The following MTHFD1L variants were observed in gnomAD, a reference collection of about 807,000 sequenced individuals.
MTHFD1L encodes the protein methylenetetrahydrofolate dehydrogenase (NADP+ dependent) 1 like.
MTHFD1L carries 81 observed loss-of-function variants against 119.5 expected under a neutral mutation model. That is an observed-to-expected ratio of 0.68 (90% CI 0.57 to 0.82). MTHFD1L has a LOEUF of 0.82. Ranked by LOEUF, MTHFD1L falls within the 40% of genes least tolerant of loss-of-function variation. MTHFD1L has a pLI of 0.00. For missense variants in MTHFD1L, 1,125 were observed against 1,253.4 expected (o/e 0.90, Z 1.55); for synonymous variants, 430 against 475.2 (o/e 0.90, Z 1.24).
chr6:150,918,912 A>G (rs1437316625), intron 9 of MTHFD1L, among the ~76,000 whole-genome samples: 1 of 152,164 alleles, frequency 6.6e-6, no homozygotes, highest in Non-Finnish European at 1.5e-5. Flanking sequence ...GCTGTGTAAT[A>G]AATTATCCCA....
chr6:151,022,166 T>C (rs1784033230), intron 24 of MTHFD1L: 1 of 398,092 alleles, frequency 2.5e-6, no homozygotes. Flanking sequence ...TGTTTCCTCC[T>C]CTGCTGGTCT....
chr6:150,870,423 G>C (rs1779194007), intron 1 of MTHFD1L, among the ~76,000 whole-genome samples: 1 of 152,170 alleles, frequency 6.6e-6, no homozygotes, highest in Non-Finnish European at 1.5e-5. Context: ...TTGGGTGGTA[G>C]TAGCGTTGAA....
At chr6:150,938,579 A>T in intron 12 of MTHFD1L, 120 bp from the exon 13 acceptor site, 1 of 981,340 alleles carries the variant, frequency 1.0e-6, no homozygotes, top group Non-Finnish European at 1.6e-6. Flanking sequence ...GCCTTTTGTT[A>T]CTTCATCTTG....
At chr6:151,020,048 G>A (rs1783729136) in intron 24 of MTHFD1L, among the ~76,000 whole-genome samples, 1 of 152,198 alleles carries the variant, frequency 6.6e-6, no homozygotes, top group East Asian at 1.9e-4. Context: ...CTTTGCATAT[G>A]ACACTCTCCC....
chr6:150,976,157 C>T (rs1190924989), intron 20 of MTHFD1L, among the ~76,000 whole-genome samples: 1 of 152,150 alleles, frequency 6.6e-6, no homozygotes, highest in African/African-American at 2.4e-5. Flanking sequence ...GCTGAGATCA[C>T]ACCATTGCAC....
At chr6:151,013,422 A>G (rs73620607) in intron 21 of MTHFD1L, among the ~76,000 whole-genome samples, 5,033 of 152,280 alleles carry the variant, frequency 0.033, 290 homozygotes, top group African/African-American at 0.12. Flanking sequence ...GTATAAATCA[A>G]GTATTAAACA....
At chr6:150,944,341 A>G (rs1793606806) in intron 13 of MTHFD1L, 145 bp from the exon 14 acceptor site, 1 of 636,870 alleles carries the variant, frequency 1.6e-6, no homozygotes, top group African/African-American at 1.8e-5. Flanking sequence ...CAGCCTACTC[A>G]GTAGGCTTAG....
intron 26 of MTHFD1L, among the ~76,000 whole-genome samples, chr6:151,045,815 G>A (rs1460300103): frequency 1.3e-5 from 2 of 152,074 alleles, no homozygotes; most frequent in African/African-American, 2.4e-5. Context: ...TCCTCTCATC[G>A]TGAGGTCCCT....
intron 16 of MTHFD1L, among the ~76,000 whole-genome samples, chr6:150,954,406 G>C (rs760214547): frequency 3.9e-5 from 6 of 152,108 alleles, no homozygotes; most frequent in Non-Finnish European, 7.4e-5. Flanking sequence ...ACAGGGTCTT[G>C]GCTGGGTGCA....
At chr6:150,915,952 C>T (rs1190875036) in intron 8 of MTHFD1L, among the ~76,000 whole-genome samples, 1 of 152,044 alleles carries the variant, frequency 6.6e-6, no homozygotes, top group East Asian at 1.9e-4. Flanking sequence ...TGAGAGAGGC[C>T]CGTTTGTGGA....
chr6:150,897,702 A>G (rs1034211053), intron 7 of MTHFD1L, among the ~76,000 whole-genome samples: 3 of 152,224 alleles, frequency 2.0e-5, no homozygotes, highest in African/African-American at 4.8e-5. Context: ...GTGTCCCACA[A>G]AGAACAGGCA....
At chr6:150,877,719 C>G in intron 3 of MTHFD1L, 35 bp downstream of exon 3, 1 of 1,614,130 alleles carries the variant, frequency 6.2e-7, no homozygotes, top group Non-Finnish European at 8.5e-7. Flanking sequence ...TTCACTATAA[C>G]TTTTAACAAT....
At chr6:150,955,462 C>T (rs1019959665) in intron 16 of MTHFD1L, among the ~76,000 whole-genome samples, 6 of 146,014 alleles carry the variant, frequency 4.1e-5, no homozygotes, top group Non-Finnish European at 9.0e-5. Context: ...TTGGTTCTTT[C>T]GGGTAATGCC....
chr6:150,952,959 A>T (rs552384216), intron 16 of MTHFD1L, among the ~76,000 whole-genome samples: 10 of 152,294 alleles, frequency 6.6e-5, no homozygotes, highest in African/African-American at 2.4e-4. Context: ...ACATACAGCC[A>T]TTTTGTTACA....
At chr6:151,020,535 A>G (rs1783806414) in intron 24 of MTHFD1L, among the ~76,000 whole-genome samples, 3 of 152,246 alleles carry the variant, frequency 2.0e-5, no homozygotes, top group African/African-American at 7.2e-5. Context: ...AGAGTAGGCA[A>G]CTTTTAATTA....
At chr6:151,096,294 C>T (rs1794891303) in intron 27 of MTHFD1L, among the ~76,000 whole-genome samples, 2 of 152,224 alleles carry the variant, frequency 1.3e-5, no homozygotes, top group South Asian at 4.1e-4. Context: ...CATTTCTACC[C>T]CTTACCCACC....
intron 1 of MTHFD1L, among the ~76,000 whole-genome samples, chr6:150,873,182 G>T (rs1444440856): frequency 6.6e-6 from 1 of 152,014 alleles, no homozygotes; most frequent in Non-Finnish European, 1.5e-5. Flanking sequence ...GGACGTGGTG[G>T]CATGCACCAG....
intron 9 of MTHFD1L, among the ~76,000 whole-genome samples, chr6:150,919,123 A>G (rs1201620491): frequency 6.6e-6 from 1 of 151,234 alleles, no homozygotes. Context: ...AGATTGCACC[A>G]CTGAACTCCA....
intron 20 of MTHFD1L, among the ~76,000 whole-genome samples, chr6:151,003,787 A>T (rs1780970041): frequency 6.6e-6 from 1 of 152,114 alleles, no homozygotes; most frequent in African/African-American, 2.4e-5. Context: ...GATGTTTTTG[A>T]GGAGAATGCC....
Sources: allele counts gnomAD v4.1 joint callset (sites outside exome capture counted in the v4.1 genomes callset), GRCh38; gene constraint gnomAD v4.1.1; transcripts MANE v1.5; gene names NCBI Gene and HGNC (gene_info 2026-07-23, HGNC 2026-07-21).